GAS2: variants seen among roughly 807,000 people sequenced by gnomAD.
GAS2 encodes the protein growth arrest-specific protein 2.
In GAS2, 20 loss-of-function variants were observed where a neutral mutation model predicts 37.5. That is an observed-to-expected ratio of 0.53 (90% CI 0.37 to 0.77). The LOEUF is 0.77. GAS2 is among the 30% of genes least tolerant of loss of function. The pLI, the probability that GAS2 is intolerant of heterozygous loss-of-function variation, is 0.00. For missense variants in GAS2, 336 were observed against 373.4 expected (o/e 0.90, Z 0.82); for synonymous variants, 144 against 132.2 (o/e 1.09, Z -0.61).
intron 3 of GAS2, among the ~76,000 whole-genome samples, chr11:22,704,814 T>A (rs922936525): frequency 6.6e-6 from 1 of 151,758 alleles, no homozygotes; most frequent in African/African-American, 2.4e-5. Context: ...CTAATGAATG[T>A]GTATGCAAAT....
intron 3 of GAS2, among the ~76,000 whole-genome samples, chr11:22,691,886 T>C (rs1232119203): frequency 6.6e-6 from 1 of 152,194 alleles, no homozygotes; most frequent in African/African-American, 2.4e-5. Flanking sequence ...CCCCTGTCAC[T>C]ATTTTTTAAG....
chr11:22,811,086 A>G (rs550344727), intron 7 of GAS2, among the ~76,000 whole-genome samples: 1 of 152,246 alleles, frequency 6.6e-6, no homozygotes, highest in Admixed American at 6.5e-5. Context: ...TCCATGATAT[A>G]TTTTACTAGA....
chr11:22,631,736 AT>A (rs199862127), intron 1 of GAS2, among the ~76,000 whole-genome samples: 96 of 148,968 alleles, frequency 6.4e-4, no homozygotes, highest in African/African-American at 1.8e-3. Context: ...ATTTTGTTGA[AT>A]TTTTTTTTTA....
At chr11:22,635,361 G>T (rs1858807663) in intron 1 of GAS2, among the ~76,000 whole-genome samples, 1 of 152,206 alleles carries the variant, frequency 6.6e-6, no homozygotes, top group Non-Finnish European at 1.5e-5. Flanking sequence ...TGCCTTTGTT[G>T]TGCAGAAGAA....
rs1198371474 is a variant in GAS2 at position 22,708,584 on chromosome 11, C to G, written c.268-17708C>G. On this transcript the variant is annotated intron_variant, in intron 3 of 7. Transcript: ENST00000454584. ...CTCAGGCAGTCTGGTTCCAAATGTA[C>G]TTATGACCACTCCATTCTGCTGCCC... 2.6e-5 allele frequency among the ~76,000 whole-genome samples: 4 copies of G among 152,164 alleles called. No homozygotes were observed. The East Asian group carries it at 7.7e-4, about 29-fold the overall frequency.
chr11:22,709,295 A>G (rs1851279869), intron 3 of GAS2, among the ~76,000 whole-genome samples: 1 of 151,900 alleles, frequency 6.6e-6, no homozygotes. Context: ...TTTCCTGTGT[A>G]TATGTTGGCT....
In GAS2 at chr11:22,648,854, G is replaced by A. The variant is rs185577693; in HGVS notation, c.-21+23041G>A. ...GGTTTTCTAGATATACAATCATGTCGTCTACAAACAGGGACAATTTGACTT... is the reference window on the plus strand; with the variant it reads ...GGTTTTCTAGATATACAATCATGTCATCTACAAACAGGGACAATTTGACTT... On this transcript the variant is annotated intron_variant, in intron 1 of 5. Transcript: ENST00000528582. Among the ~76,000 whole-genome samples the A allele has an allele frequency of 4.9e-3, 744 of 152,186 alleles. 1 individual carries two copies. Among genetic ancestry groups the A allele is most frequent in the Admixed American group, 8.3e-3 (127 of 15,288 alleles).
Position 22,709,271 on chromosome 11 carries a change from T to G in GAS2, c.268-17021T>G, listed in dbSNP as rs577113068. Reference sequence around the variant, plus strand: ...ACCATAGAAAGGTAAAGCATTTGTCTTAAATGTTTATTTTTTCCTGTGTAT... The same window carrying G: ...ACCATAGAAAGGTAAAGCATTTGTCGTAAATGTTTATTTTTTCCTGTGTAT... On this transcript the variant is annotated intron_variant, in intron 3 of 7. Coordinates refer to ENST00000454584, the MANE Select transcript of GAS2 (RefSeq NM_001143830.3). 4.6e-5 allele frequency among the ~76,000 whole-genome samples: 7 copies of G among 152,208 alleles called. No homozygotes were observed. In the South Asian group the frequency reaches 1.5e-3, roughly 32 times the overall value.
intron 7 of GAS2, among the ~76,000 whole-genome samples, chr11:22,765,075 C>T (rs980190694): frequency 2.0e-5 from 3 of 152,194 alleles, no homozygotes; most frequent in Admixed American, 1.3e-4. Flanking sequence ...AAAAACTGCA[C>T]AGCTTCTATA....
intron 4 of GAS2, among the ~76,000 whole-genome samples, chr11:22,732,914 TTTA>T (rs896827059): frequency 3.3e-5 from 5 of 151,720 alleles, no homozygotes; most frequent in African/African-American, 1.2e-4. Flanking sequence ...ATAACTACTA[TTTA>T]TTATTATAAC....
At chr11:22,756,901 C>T (rs1036598635) in intron 7 of GAS2, among the ~76,000 whole-genome samples, 2 of 152,022 alleles carry the variant, frequency 1.3e-5, no homozygotes, top group African/African-American at 2.4e-5. Flanking sequence ...TTCTTTTGTT[C>T]TTTATTGCAA....
chr11:22,682,189 C>A (rs1849713485), intron 2 of GAS2, among the ~76,000 whole-genome samples: 1 of 151,832 alleles, frequency 6.6e-6, no homozygotes. Flanking sequence ...ATGTAAAATT[C>A]TTTTTACAAG....
chr11:22,713,840 A>T (rs1233665280), intron 3 of GAS2, among the ~76,000 whole-genome samples: 3 of 152,188 alleles, frequency 2.0e-5, no homozygotes, highest in African/African-American at 7.2e-5. Context: ...GCATATAAGA[A>T]ATGCTAAAAG....
At chr11:22,708,413 C>T (rs1378690244) in intron 3 of GAS2, among the ~76,000 whole-genome samples, 1 of 152,044 alleles carries the variant, frequency 6.6e-6, no homozygotes, top group East Asian at 1.9e-4. Context: ...TACCATATGC[C>T]AGTCATTATT....
intron 4 of GAS2, among the ~76,000 whole-genome samples, chr11:22,727,221 C>G (rs1204770239): frequency 6.6e-6 from 1 of 152,002 alleles, no homozygotes; most frequent in Non-Finnish European, 1.5e-5. Flanking sequence ...GAACTAAAGG[C>G]TCATTTTTGC....
chr11:22,704,055 CA>C (rs1850979125), intron 3 of GAS2, among the ~76,000 whole-genome samples: 1 of 152,046 alleles, frequency 6.6e-6, no homozygotes, highest in South Asian at 2.1e-4. Context: ...TTGGAAGTGA[CA>C]AGGAAGAAAA....
At chr11:22,776,322 G>A (rs1855252567) in intron 7 of GAS2, among the ~76,000 whole-genome samples, 1 of 152,180 alleles carries the variant, frequency 6.6e-6, no homozygotes, top group Admixed American at 6.5e-5. Context: ...TTGCGTGGTG[G>A]CTGTGTTCCA....
Position 22,788,545 on chromosome 11 carries a change from T to C in GAS2, c.724-23253T>C, listed in dbSNP as rs534823843. On this transcript the variant is annotated intron_variant, in intron 7 of 7. Coordinates refer to ENST00000454584, the MANE Select transcript of GAS2 (RefSeq NM_001143830.3). The stretch of plus-strand genomic sequence containing the variant: ...CAGAAATTGTCAAATGTCTCATGGG[T>C]TGAGAACCACTGATAGAAAAAGCAC... 2.0e-4 allele frequency among the ~76,000 whole-genome samples: 30 copies of C among 152,254 alleles called. No homozygotes were observed. The East Asian group carries it at 5.8e-3, about 29-fold the overall frequency.
chr11:22,752,273 C>T (rs1292394567), intron 6 of GAS2, among the ~76,000 whole-genome samples: 2 of 151,962 alleles, frequency 1.3e-5, no homozygotes, highest in Non-Finnish European at 1.5e-5. Flanking sequence ...ACTTATTTGA[C>T]CACAGAAGTC....
Sources: gnomAD v4.1 joint callset for allele counts (sites outside exome capture counted in the v4.1 genomes callset) on GRCh38, gnomAD v4.1.1 for gene constraint, MANE v1.5 for transcripts, NCBI Gene and HGNC (gene_info 2026-07-23, HGNC 2026-07-21) for gene names.